Variants in VEPH1 observed in about 807,000 individuals in gnomAD.
The protein encoded by VEPH1 is ventricular zone-expressed PH domain-containing protein homolog 1.
A neutral mutation model predicts 85.2 loss-of-function variants in VEPH1; 80 were observed. The ratio of observed to expected loss-of-function variants is 0.94; its 90% confidence interval spans 0.78 to 1.13. VEPH1 has a LOEUF of 1.13. Among genes scored for constraint, VEPH1 ranks in the 50% most tolerant of loss-of-function variants. The probability of loss-of-function intolerance (pLI) is 0.00; values close to 1 mark genes in which losing one functional copy is unlikely to be tolerated. For missense variants in VEPH1, 955 were observed against 980.5 expected, an observed-to-expected ratio of 0.97 and a Z score of 0.35; for synonymous variants, 297 against 348.0, an observed-to-expected ratio of 0.85 and a Z score of 1.63.
At chr3:157,412,627 T>C (rs1731618515) in intron 6 of VEPH1, among the ~76,000 whole-genome samples, 1 of 152,100 alleles carries the variant, frequency 6.6e-6, no homozygotes, top group Admixed American at 6.6e-5. Context: ...GGGAAAGCAT[T>C]AACAGAAGGC....
chr3:157,391,999 G>A (rs1351775039), intron 6 of VEPH1, among the ~76,000 whole-genome samples: 1 of 152,082 alleles, frequency 6.6e-6, no homozygotes, highest in Non-Finnish European at 1.5e-5. Context: ...CATAAATGAA[G>A]GAGAAATAAA....
intron 11 of VEPH1, among the ~76,000 whole-genome samples, chr3:157,303,887 C>T (rs1028754251): frequency 6.6e-6 from 1 of 151,854 alleles, no homozygotes; most frequent in Non-Finnish European, 1.5e-5. Flanking sequence ...AATTCCAAAC[C>T]CCTTTCCCCT....
intron 4 of VEPH1, chr3:157,436,695 T>A: frequency 2.3e-6 from 1 of 436,444 alleles, no homozygotes; most frequent in South Asian, 2.8e-5. Flanking sequence ...GGTTTAATAT[T>A]GTGCAACTTC....
At chr3:157,290,667 G>A (rs531290448) in intron 11 of VEPH1, among the ~76,000 whole-genome samples, 3 of 152,102 alleles carry the variant, frequency 2.0e-5, no homozygotes, top group South Asian at 2.1e-4. Flanking sequence ...TTTCATTGAT[G>A]TAAAAAAAAG....
At chr3:157,380,611 T>A (rs1728652654) in intron 7 of VEPH1, among the ~76,000 whole-genome samples, 1 of 152,234 alleles carries the variant, frequency 6.6e-6, no homozygotes, top group South Asian at 2.1e-4. Flanking sequence ...ACTCTTCTGA[T>A]AACAACTTCC....
intron 5 of VEPH1, among the ~76,000 whole-genome samples, chr3:157,420,779 T>C (rs934180687): frequency 9.9e-5 from 15 of 152,178 alleles, no homozygotes; most frequent in Non-Finnish European, 2.1e-4. Context: ...AGCTCCTCTG[T>C]GTCTGAACAT....
At chr3:157,304,994 C>G (rs62281374) in intron 11 of VEPH1, among the ~76,000 whole-genome samples, 29,865 of 148,186 alleles carry the variant, frequency 0.2, 3,349 homozygotes, top group Non-Finnish European at 0.27. Context: ...GTTCTCTCAG[C>G]AGAGAGAGCC....
At chr3:157,404,916 G>C (rs1731040117) in intron 6 of VEPH1, among the ~76,000 whole-genome samples, 1 of 152,180 alleles carries the variant, frequency 6.6e-6, no homozygotes, top group Non-Finnish European at 1.5e-5. Flanking sequence ...CAACTCACCT[G>C]CTGCCAATGC....
intron 3 of VEPH1, among the ~76,000 whole-genome samples, chr3:157,469,102 C>T (rs1347750702): frequency 1.3e-5 from 2 of 152,114 alleles, no homozygotes; most frequent in African/African-American, 4.8e-5. Flanking sequence ...ACCAAGATAA[C>T]CAATGAAGAG....
chr3:157,314,766 A>G (rs555817259), intron 10 of VEPH1, among the ~76,000 whole-genome samples: 1 of 152,252 alleles, frequency 6.6e-6, no homozygotes, highest in East Asian at 1.9e-4. Flanking sequence ...AATATTCTTA[A>G]AACTTTAAGA....
intron 11 of VEPH1, 37 bp from the exon 12 acceptor site, chr3:157,286,711 G>A (rs1297247420): frequency 6.6e-7 from 1 of 1,514,044 alleles, no homozygotes; most frequent in Non-Finnish European, 9.2e-7. Flanking sequence ...AACATAAGCT[G>A]CTCTGCCTGC....
chr3:157,370,890 C>T (rs1727411676), intron 7 of VEPH1, among the ~76,000 whole-genome samples: 1 of 152,150 alleles, frequency 6.6e-6, no homozygotes, highest in Non-Finnish European at 1.5e-5. Flanking sequence ...ATTAGTGATG[C>T]TATAAAACTC....
intron 9 of VEPH1, among the ~76,000 whole-genome samples, chr3:157,343,298 A>G (rs570973714): frequency 6.6e-6 from 1 of 152,354 alleles, no homozygotes; most frequent in Admixed American, 6.5e-5. Context: ...AATAAAGAAA[A>G]AACAGAGAAG....
intron 5 of VEPH1, among the ~76,000 whole-genome samples, chr3:157,422,457 A>G (rs542071505): frequency 7.0e-4 from 107 of 152,340 alleles, no homozygotes; most frequent in African/African-American, 2.5e-3. Context: ...GTATGAGCTC[A>G]GTCACTATTA....
intron 3 of VEPH1, among the ~76,000 whole-genome samples, chr3:157,464,669 T>G (rs1412667352): frequency 6.6e-6 from 1 of 152,186 alleles, no homozygotes; most frequent in Non-Finnish European, 1.5e-5. Flanking sequence ...TAGCACCAAT[T>G]TGAACTTTTG....
At chr3:157,340,278 G>A (rs972590673) in intron 9 of VEPH1, among the ~76,000 whole-genome samples, 1 of 152,210 alleles carries the variant, frequency 6.6e-6, no homozygotes, top group Non-Finnish European at 1.5e-5. Flanking sequence ...CCTAGGCAAG[G>A]GAAGCTGTGA....
chr3:157,488,807 C>T (rs1382883874), intron 2 of VEPH1, among the ~76,000 whole-genome samples: 1 of 151,836 alleles, frequency 6.6e-6, no homozygotes, highest in Non-Finnish European at 1.5e-5. Flanking sequence ...CACTCCCTTC[C>T]CCTCACCCTC....
chr3:157,261,725 G>A (rs1264085307), intron 13 of VEPH1, among the ~76,000 whole-genome samples: 2 of 152,064 alleles, frequency 1.3e-5, no homozygotes, highest in Non-Finnish European at 2.9e-5. Flanking sequence ...AGGTAGTTTG[G>A]GAGGCATGAA....
At chr3:157,464,887 T>C (rs1736220902) in intron 3 of VEPH1, among the ~76,000 whole-genome samples, 1 of 152,224 alleles carries the variant, frequency 6.6e-6, no homozygotes, top group Non-Finnish European at 1.5e-5. Flanking sequence ...ATAGGGTTCC[T>C]TGATTATTCA....
Sources: gnomAD v4.1 joint callset for allele counts (sites outside exome capture counted in the v4.1 genomes callset) on GRCh38, gnomAD v4.1.1 for gene constraint, MANE v1.5 for transcripts, NCBI Gene and HGNC (gene_info 2026-07-23, HGNC 2026-07-21) for gene names.